CFAP299: variants seen among roughly 807,000 people sequenced by gnomAD.
CFAP299 encodes cilia- and flagella-associated protein 299.
A neutral mutation model predicts 27.0 loss-of-function variants in CFAP299; 21 were observed. The ratio of observed to expected loss-of-function variants is 0.78; its 90% CI spans 0.55 to 1.12. The LOEUF is 1.12. CFAP299 is among the 50% of genes most tolerant of loss of function. CFAP299 has a pLI of 0.00. For synonymous variants in CFAP299, 104 were observed against 98.1 expected, an observed-to-expected ratio of 1.06 and a Z score of -0.36; for missense variants, 310 against 276.6, an observed-to-expected ratio of 1.12 and a Z score of -0.86.
intron 3 of CFAP299, among the ~76,000 whole-genome samples, chr4:80,766,578 C>A (rs1725875488): frequency 6.6e-6 from 1 of 152,106 alleles, no homozygotes; most frequent in South Asian, 2.1e-4. Context: ...TATTATTCTT[C>A]TTTTACAGAG....
At chr4:80,559,798 G>A (rs1734952415) in intron 2 of CFAP299, among the ~76,000 whole-genome samples, 1 of 152,162 alleles carries the variant, frequency 6.6e-6, no homozygotes, top group African/African-American at 2.4e-5. Flanking sequence ...AGCCAGAACA[G>A]AATTGACGAA....
At chr4:80,397,995 G>A (rs1239453621) in intron 2 of CFAP299, among the ~76,000 whole-genome samples, 1 of 152,082 alleles carries the variant, frequency 6.6e-6, no homozygotes, top group Non-Finnish European at 1.5e-5. Context: ...AAAGTCTCAG[G>A]ATACAAAATC....
At chr4:80,737,047 G>A (rs1723939592) in intron 3 of CFAP299, among the ~76,000 whole-genome samples, 1 of 151,704 alleles carries the variant, frequency 6.6e-6, no homozygotes. Flanking sequence ...GTCATTCTCA[G>A]TAAACTATCA....
In CFAP299 at chr4:80,789,045, G is replaced by A. The variant is rs1727406283; in HGVS notation, c.334-80948G>A. ...TGCTGAAATACAGTTCTTGAATAAT[G>A]TTAACATAAAAGGCTGAAGTTATTT... On this transcript the variant is annotated intron_variant, in intron 3 of 5. Transcript: ENST00000358105. Among the ~76,000 whole-genome samples the A allele has an allele frequency of 2.6e-5, 4 of 152,114 alleles. No individual in the cohort carries two copies. The South Asian group carries it at 8.3e-4, about 31-fold the overall frequency.
intron 2 of CFAP299, among the ~76,000 whole-genome samples, chr4:80,369,221 A>C (rs1435697190): frequency 2.0e-5 from 3 of 152,188 alleles, no homozygotes; most frequent in Admixed American, 1.3e-4. Context: ...TCCTTTATAC[A>C]AGGTACATCT....
intron 2 of CFAP299, chr4:80,387,607 GAC>G: frequency 2.4e-6 from 3 of 1,275,466 alleles, no homozygotes; most frequent in Non-Finnish European, 3.4e-6. Flanking sequence ...AGAGTTTCGA[GAC>G]ACAGTGCCAC....
chr4:80,411,634 T>C (rs1726726845), intron 2 of CFAP299, among the ~76,000 whole-genome samples: 1 of 152,114 alleles, frequency 6.6e-6, no homozygotes, highest in Admixed American at 6.6e-5. Flanking sequence ...ATTGATTTGT[T>C]AGTAAAAATG....
chr4:80,453,851 AATAAT>A (rs1174001458), intron 2 of CFAP299, among the ~76,000 whole-genome samples: 2 of 139,486 alleles, frequency 1.4e-5, no homozygotes, highest in African/African-American at 5.3e-5. Context: ...AAATAATAAT[AATAAT>A]AATAATAATA....
chr4:80,634,321 T>G (rs1256215731), intron 3 of CFAP299, among the ~76,000 whole-genome samples: 1 of 152,156 alleles, frequency 6.6e-6, no homozygotes, highest in Non-Finnish European at 1.5e-5. Context: ...TGGCTAAGAA[T>G]GTATGTGCCA....
chr4:80,792,580 A>G (rs1727632892), intron 3 of CFAP299, among the ~76,000 whole-genome samples: 1 of 152,140 alleles, frequency 6.6e-6, no homozygotes, highest in South Asian at 2.1e-4. Flanking sequence ...TATTTTTTAT[A>G]GTGGTTGTGG....
intron 3 of CFAP299, among the ~76,000 whole-genome samples, chr4:80,797,304 T>A (rs1029940802): frequency 6.6e-6 from 1 of 152,186 alleles, no homozygotes; most frequent in Admixed American, 6.5e-5. Context: ...GTCTGTAAAC[T>A]GGCTTAAGTC....
chr4:80,725,716 G>A (rs1161721349), intron 3 of CFAP299, among the ~76,000 whole-genome samples: 1 of 152,174 alleles, frequency 6.6e-6, no homozygotes, highest in African/African-American at 2.4e-5. Context: ...AGGTGCTGGG[G>A]TCTTCTAATT....
intron 3 of CFAP299, among the ~76,000 whole-genome samples, chr4:80,750,847 C>A (rs1391012927): frequency 1.3e-5 from 2 of 152,154 alleles, no homozygotes; most frequent in African/African-American, 4.8e-5. Flanking sequence ...TTTTTGTCAA[C>A]TTGTAACAGA....
intron 2 of CFAP299, among the ~76,000 whole-genome samples, chr4:80,424,419 C>G (rs1727439619): frequency 6.6e-6 from 1 of 152,148 alleles, no homozygotes; most frequent in Admixed American, 6.5e-5. Context: ...CTTTTGTGGT[C>G]ATCATCAGTA....
At chr4:80,846,004 A>G (rs1005881271) in intron 3 of CFAP299, among the ~76,000 whole-genome samples, 4 of 152,048 alleles carry the variant, frequency 2.6e-5, no homozygotes, top group Admixed American at 2.6e-4. Flanking sequence ...TCACTTATGT[A>G]TTTTGTCAAT....
At chr4:80,627,817 G>C (rs1169201532) in intron 3 of CFAP299, among the ~76,000 whole-genome samples, 1 of 151,864 alleles carries the variant, frequency 6.6e-6, no homozygotes. Context: ...ATAAAACAAT[G>C]ATGAAAGAAA....
intron 3 of CFAP299, among the ~76,000 whole-genome samples, chr4:80,845,104 A>C (rs985080519): frequency 6.6e-6 from 1 of 151,964 alleles, no homozygotes; most frequent in Non-Finnish European, 1.5e-5. Flanking sequence ...GTTCTATTCC[A>C]TTGGTCTATA....
At chr4:80,633,636 G>A (rs1369725362) in intron 3 of CFAP299, among the ~76,000 whole-genome samples, 2 of 152,054 alleles carry the variant, frequency 1.3e-5, no homozygotes, top group African/African-American at 4.8e-5. Context: ...TTTAGATATG[G>A]CAAAATACTG....
chr4:80,592,668 G>A (rs1174386101), intron 3 of CFAP299, among the ~76,000 whole-genome samples: 1 of 152,102 alleles, frequency 6.6e-6, no homozygotes, highest in Non-Finnish European at 1.5e-5. Flanking sequence ...ATATAACCAC[G>A]ATTACTCTTT....
Sources: gnomAD v4.1 joint callset for allele counts (sites outside exome capture counted in the v4.1 genomes callset) on GRCh38, gnomAD v4.1.1 for gene constraint, MANE v1.5 for transcripts, NCBI Gene and HGNC (gene_info 2026-07-23, HGNC 2026-07-21) for gene names.